E2F3: variants seen among roughly 807,000 people sequenced by gnomAD.
E2F3 encodes E2F transcription factor 3.
In E2F3, 11 loss-of-function variants were observed where a neutral mutation model predicts 44.4. The observed-to-expected ratio is 0.25, with a 90% CI of 0.16 to 0.41. E2F3 has a LOEUF of 0.41. Among genes scored for constraint, E2F3 ranks in the 10% least tolerant of loss-of-function variants. E2F3 has a pLI of 1.00. For missense variants in E2F3, 487 were observed against 583.6 expected (o/e 0.83, Z 1.70); for synonymous variants, 249 against 253.0 (o/e 0.98, Z 0.15).
chr6:20,444,804 A>G (rs548027504), intron 1 of E2F3, among the ~76,000 whole-genome samples: 131 of 152,310 alleles, frequency 8.6e-4, no homozygotes, highest in South Asian at 1.7e-3. Context: ...GTCTTGGAAA[A>G]TGTTGTATGT....
chr6:20,430,678 G>A (rs1324913899), intron 1 of E2F3, among the ~76,000 whole-genome samples: 2 of 152,158 alleles, frequency 1.3e-5, no homozygotes, highest in African/African-American at 4.8e-5. Context: ...GAACTTAAGT[G>A]AGGTGATTTT....
At chr6:20,446,077 C>G (rs891885088) in intron 1 of E2F3, among the ~76,000 whole-genome samples, 1 of 152,214 alleles carries the variant, frequency 6.6e-6, no homozygotes, top group African/African-American at 2.4e-5. Context: ...CCAGAGAAAA[C>G]CCACGCGGAT....
chr6:20,405,368 A>G (rs1222149964), intron 1 of E2F3, among the ~76,000 whole-genome samples: 5 of 124,180 alleles, frequency 4.0e-5, no homozygotes, highest in African/African-American at 1.3e-4. Context: ...TTTTTTTGAG[A>G]CGGAGTCTCA....
At position 20,402,280 on chromosome 6, in the gene E2F3, C is replaced by A; in HGVS notation, c.48C>A (p.Ala16=). 6.2e-7 allele frequency: 1 copy of A among 1,608,180 alleles called. No homozygotes were observed. The highest frequency in any genetic ancestry group is 8.5e-7 in the Non-Finnish European group (1 of 1,178,570). Residue 16 remains alanine (A), a synonymous_variant, in exon 1 of 7, where the codon GCC becomes GCA. Coordinates refer to ENST00000346618, the MANE Select transcript of E2F3 (RefSeq NM_001949.5). This position sits in a 1 kb window ranked among gnomAD's most constrained non-coding sequence, Gnocchi z 5.6. ...QPALEQYLVT[A]GGGEGAAVVA... ...CTCTGGAGCAGTACCTGGTGACCGC[C>A]GGGGGTGGGGAGGGGGCGGCTGTCG...
intron 1 of E2F3, among the ~76,000 whole-genome samples, chr6:20,411,788 C>T (rs544656144): frequency 1.3e-5 from 2 of 152,324 alleles, no homozygotes; most frequent in Non-Finnish European, 2.9e-5. Flanking sequence ...GGGCCTCTCC[C>T]TTCCCTTGGG....
chr6:20,480,907 C>T (rs982415547), intron 2 of E2F3, among the ~76,000 whole-genome samples: 5 of 152,154 alleles, frequency 3.3e-5, no homozygotes, highest in Non-Finnish European at 7.3e-5. Flanking sequence ...TTAGCGCCCG[C>T]TATATGTAAA....
intron 1 of E2F3, among the ~76,000 whole-genome samples, chr6:20,468,884 A>C (rs887829337): frequency 6.6e-6 from 1 of 152,230 alleles, no homozygotes; most frequent in Non-Finnish European, 1.5e-5. Flanking sequence ...CAAGTGACAG[A>C]TGTTCACCTC....
intron 4 of E2F3, 52 bp from the exon 5 acceptor site, chr6:20,486,637 A>G: frequency 1.0e-6 from 1 of 997,714 alleles, no homozygotes; most frequent in South Asian, 1.4e-5. Context: ...TGTCATTTTC[A>G]TCATACTTAT....
At chr6:20,426,528 G>A (rs1258287248) in intron 1 of E2F3, among the ~76,000 whole-genome samples, 1 of 115,182 alleles carries the variant, frequency 8.7e-6, no homozygotes, top group Non-Finnish European at 1.9e-5. Context: ...TTTCACGTCT[G>A]CAGTTATGGC....
At chr6:20,463,112 G>A (rs1458241780) in intron 1 of E2F3, among the ~76,000 whole-genome samples, 5 of 151,814 alleles carry the variant, frequency 3.3e-5, no homozygotes, top group East Asian at 1.9e-4. Context: ...GGTAGAGACC[G>A]GGTCTTGCTG....
chr6:20,403,034 G>C (rs1214374560), intron 1 of E2F3, among the ~76,000 whole-genome samples: 1 of 151,960 alleles, frequency 6.6e-6, no homozygotes, highest in East Asian at 1.9e-4. Flanking sequence ...GGGGTGTGGG[G>C]GGCTCTGAGG....
At chr6:20,473,950 T>A (rs1221680167) in intron 1 of E2F3, among the ~76,000 whole-genome samples, 2 of 152,172 alleles carry the variant, frequency 1.3e-5, no homozygotes, top group East Asian at 3.8e-4. Context: ...TCAAGTCTTG[T>A]CTTTTCATGC....
chr6:20,470,349 A>G (rs1487612807), intron 1 of E2F3, among the ~76,000 whole-genome samples: 2 of 152,250 alleles, frequency 1.3e-5, no homozygotes, highest in African/African-American at 2.4e-5. Flanking sequence ...TCATATGCCC[A>G]TGCAGGGCTT....
chr6:20,492,424 T>G lies in E2F3; in HGVS notation c.*1994T>G. 1 of 233,498 alleles carries G rather than the reference T, an allele frequency of 4.3e-6. No individual in the cohort carries two copies. The highest frequency in any genetic ancestry group is 8.5e-6 in the Non-Finnish European group (1 of 117,928). The allele number at this position is 233,498 out of a possible 1,614,324, so 14.5% of individuals were successfully genotyped here. On this transcript the variant is annotated 3_prime_UTR_variant, in exon 7 of 7. Transcript: ENST00000346618. Reference sequence around the variant, plus strand: ...TGTGGTCCTAGATGAAGCATTGGGGTGGGGGAGGGAGAGGGAGCTTTGTGT... The same window carrying G: ...TGTGGTCCTAGATGAAGCATTGGGGGGGGGGAGGGAGAGGGAGCTTTGTGT...
At chr6:20,430,656 A>G (rs1461926116) in intron 1 of E2F3, among the ~76,000 whole-genome samples, 4 of 152,204 alleles carry the variant, frequency 2.6e-5, no homozygotes, top group African/African-American at 7.2e-5. Flanking sequence ...GTTGGCTTCT[A>G]GAGATTACCT....
intron 1 of E2F3, among the ~76,000 whole-genome samples, chr6:20,476,535 G>A (rs1417538893): frequency 6.6e-6 from 1 of 152,176 alleles, no homozygotes. Flanking sequence ...CTTTCCCCTG[G>A]GAAGGCCCCA....
intron 1 of E2F3, among the ~76,000 whole-genome samples, chr6:20,478,280 CAT>C (rs908200076): frequency 3.3e-5 from 5 of 152,162 alleles, no homozygotes; most frequent in African/African-American, 7.2e-5. Context: ...TTTCATTTAA[CAT>C]GTGATCACTA....
intron 1 of E2F3, among the ~76,000 whole-genome samples, chr6:20,417,438 C>A (rs1276568444): frequency 6.6e-6 from 1 of 151,738 alleles, no homozygotes; most frequent in East Asian, 1.9e-4. Flanking sequence ...TAAATTGTAA[C>A]CAAAATAATA....
chr6:20,458,896 A>G (rs1419368658), intron 1 of E2F3, among the ~76,000 whole-genome samples: 1 of 152,160 alleles, frequency 6.6e-6, no homozygotes, highest in African/African-American at 2.4e-5. Context: ...TTAATCCTGT[A>G]TTTAGCTTGT....
Sources: allele counts gnomAD v4.1 joint callset (sites outside exome capture counted in the v4.1 genomes callset), GRCh38; gene constraint gnomAD v4.1.1; non-coding constraint Gnocchi (gnomAD v3.1); transcripts MANE v1.5; gene names NCBI Gene and HGNC (gene_info 2026-07-23, HGNC 2026-07-21).